RIMS2: variants seen among roughly 807,000 people sequenced by gnomAD.
RIMS2 encodes the protein regulating synaptic membrane exocytosis 2.
In RIMS2, 59 loss-of-function variants were observed where a neutral mutation model predicts 174.4. The observed-to-expected ratio is 0.34, with a 90% CI of 0.27 to 0.42. The LOEUF (loss-of-function observed/expected upper bound fraction) is 0.42. RIMS2 is among the 10% of genes least tolerant of loss of function. RIMS2 has a pLI of 1.00. For missense variants in RIMS2, 1,620 were observed against 1,666.3 expected (o/e 0.97, Z 0.48); for synonymous variants, 606 against 572.5 (o/e 1.06, Z -0.84).
chr8:103,719,334 T>C (rs2097416961), intron 2 of RIMS2, among the ~76,000 whole-genome samples: 1 of 152,246 alleles, frequency 6.6e-6, no homozygotes, highest in Admixed American at 6.5e-5. Context: ...TTTTTGCTTC[T>C]TATACCCAAA....
intron 19 of RIMS2, among the ~76,000 whole-genome samples, chr8:104,032,008 C>G (rs1292918603): frequency 6.6e-6 from 1 of 151,758 alleles, no homozygotes; most frequent in Non-Finnish European, 1.5e-5. Context: ...AAGATTAGTC[C>G]TTTAGGGAAA....
At chr8:103,791,421 C>T (rs914836017) in intron 3 of RIMS2, among the ~76,000 whole-genome samples, 1 of 152,062 alleles carries the variant, frequency 6.6e-6, no homozygotes, top group Non-Finnish European at 1.5e-5. Context: ...CTGAAGGAAG[C>T]ACTAAACATG....
chr8:103,797,591 TGTGAAAC>T (rs2098558136), intron 3 of RIMS2, among the ~76,000 whole-genome samples: 1 of 152,234 alleles, frequency 6.6e-6, no homozygotes, highest in Admixed American at 6.5e-5. Flanking sequence ...CCAATGTCTT[TGTGAAAC>T]CATCTTAACA....
chr8:104,170,860 A>G (rs984383973), intron 19 of RIMS2, among the ~76,000 whole-genome samples: 9 of 152,020 alleles, frequency 5.9e-5, no homozygotes, highest in African/African-American at 2.2e-4. Flanking sequence ...GACAGCAGCA[A>G]ATCCCCTCAA....
chr8:103,561,729 T>C (rs1053920056), intron 1 of RIMS2, among the ~76,000 whole-genome samples: 7 of 152,236 alleles, frequency 4.6e-5, no homozygotes, highest in Admixed American at 2.0e-4. Flanking sequence ...GATCTTTATA[T>C]GGGCAGGTAT....
chr8:103,932,757 G>A (rs1364212098), intron 12 of RIMS2, among the ~76,000 whole-genome samples: 1 of 152,156 alleles, frequency 6.6e-6, no homozygotes, highest in Non-Finnish European at 1.5e-5. Flanking sequence ...TGACCAGATA[G>A]AGCTAAAATG....
intron 1 of RIMS2, among the ~76,000 whole-genome samples, chr8:103,615,630 T>A (rs560609587): frequency 0.031 from 4,696 of 151,954 alleles, 215 homozygotes; most frequent in African/African-American, 0.1. Flanking sequence ...GGCCACTAGC[T>A]AGACTAATAA....
At chr8:104,180,950 A>G (rs770787947) in intron 19 of RIMS2, among the ~76,000 whole-genome samples, 8 of 151,770 alleles carry the variant, frequency 5.3e-5, no homozygotes, top group Non-Finnish European at 8.9e-5. Context: ...ATGAAAACAG[A>G]AAACCTTTTT....
intron 17 of RIMS2, among the ~76,000 whole-genome samples, chr8:104,001,312 A>C (rs757956980): frequency 2.6e-4 from 40 of 152,042 alleles, no homozygotes; most frequent in Non-Finnish European, 5.3e-4. Context: ...TGATCATTAC[A>C]TATTATATAT....
chr8:104,175,148 G>A (rs764882700), intron 19 of RIMS2, among the ~76,000 whole-genome samples: 2 of 151,940 alleles, frequency 1.3e-5, no homozygotes, highest in African/African-American at 4.8e-5. Context: ...TGCCATTTTC[G>A]TTAAGCCAAA....
intron 2 of RIMS2, among the ~76,000 whole-genome samples, chr8:103,761,026 G>A (rs1329698730): frequency 2.0e-5 from 3 of 152,176 alleles, no homozygotes; most frequent in Non-Finnish European, 4.4e-5. Context: ...TTAGTAGAAT[G>A]TAGTGAATAT....
At chr8:103,684,118 G>A (rs2096910955) in intron 1 of RIMS2, among the ~76,000 whole-genome samples, 1 of 151,852 alleles carries the variant, frequency 6.6e-6, no homozygotes, top group Non-Finnish European at 1.5e-5. Context: ...CCTCTTTTTT[G>A]TATATAGTTG....
At chr8:104,025,407 A>G (rs2096230712) in intron 19 of RIMS2, among the ~76,000 whole-genome samples, 1 of 152,142 alleles carries the variant, frequency 6.6e-6, no homozygotes, top group Non-Finnish European at 1.5e-5. Flanking sequence ...AAGATCGCTG[A>G]GCCCAGGAGT....
intron 19 of RIMS2, among the ~76,000 whole-genome samples, chr8:104,088,479 A>G (rs950005787): frequency 1.3e-5 from 2 of 151,962 alleles, no homozygotes; most frequent in African/African-American, 2.4e-5. Flanking sequence ...TTAACTCAGT[A>G]TTTCCTTGAA....
chr8:103,748,368 C>G (rs1002470207), intron 2 of RIMS2, among the ~76,000 whole-genome samples: 8 of 151,960 alleles, frequency 5.3e-5, no homozygotes, highest in Non-Finnish European at 1.0e-4. Context: ...TCGCTTGAAC[C>G]TAGGAAGTTG....
intron 3 of RIMS2, among the ~76,000 whole-genome samples, chr8:103,812,675 C>T (rs2098696345): frequency 6.6e-6 from 1 of 152,138 alleles, no homozygotes; most frequent in South Asian, 2.1e-4. Flanking sequence ...AGCCACCATG[C>T]CAGGCCCAAA....
intron 2 of RIMS2, among the ~76,000 whole-genome samples, chr8:103,756,979 C>CTGTGTGTG (rs71575983): frequency 3.4e-4 from 46 of 135,054 alleles, no homozygotes; most frequent in East Asian, 7.0e-4. Context: ...GTGTGTGTGT[C>CTGTGTGTG]TGTGTGTGTG....
chr8:103,832,042 G>A (rs1217952220), intron 3 of RIMS2, among the ~76,000 whole-genome samples: 1 of 152,102 alleles, frequency 6.6e-6, no homozygotes, highest in African/African-American at 2.4e-5. Context: ...TCTCAATAGT[G>A]AAAAATGCTC....
chr8:104,252,326 G>A, downstream of RIMS2: 1 of 161,724 alleles, frequency 6.2e-6, no homozygotes, highest in Non-Finnish European at 1.4e-5. Flanking sequence ...CCTCTGGGCG[G>A]GAATCAGAGC....
Sources: gnomAD v4.1 joint callset for allele counts (sites outside exome capture counted in the v4.1 genomes callset) on GRCh38, gnomAD v4.1.1 for gene constraint, MANE v1.5 for transcripts, NCBI Gene and HGNC (gene_info 2026-07-23, HGNC 2026-07-21) for gene names.